The following CERS3 variants were observed in gnomAD, a reference collection of about 807,000 sequenced individuals.
CERS3 encodes the protein ceramide synthase 3.
A neutral mutation model predicts 50.3 loss-of-function variants in CERS3; 33 were observed. That is an observed-to-expected ratio of 0.66 (90% CI 0.50 to 0.88). CERS3 has a LOEUF of 0.88. Ranked by LOEUF, CERS3 falls within the 40% of genes least tolerant of loss-of-function variation. CERS3 has a pLI of 0.00. For missense variants in CERS3, 470 were observed against 460.3 expected (o/e 1.02, Z -0.19); for synonymous variants, 176 against 155.2 (o/e 1.13, Z -0.99).
intron 10 of CERS3, among the ~76,000 whole-genome samples, chr15:100,467,492 A>G (rs565382846): frequency 6.6e-6 from 1 of 152,162 alleles, no homozygotes; most frequent in East Asian, 1.9e-4. Flanking sequence ...AAAAAAGATC[A>G]TAGGTGGCCC....
chr15:100,406,714 T>G (rs2031055883), intron 11 of CERS3, among the ~76,000 whole-genome samples: 1 of 152,194 alleles, frequency 6.6e-6, no homozygotes, highest in Non-Finnish European at 1.5e-5. Context: ...AGGGCCATGC[T>G]TGGTTGATGC....
intron 1 of CERS3, among the ~76,000 whole-genome samples, chr15:100,537,396 A>G (rs2037099930): frequency 6.6e-6 from 1 of 152,242 alleles, no homozygotes; most frequent in Non-Finnish European, 1.5e-5. Flanking sequence ...GCAGTGTATT[A>G]GTCCATTTTC....
rs553585079 is a variant in CERS3 at position 100,515,462 on chromosome 15, G to A, written c.-2+6205C>T. Among the ~76,000 whole-genome samples the A allele has an allele frequency of 6.6e-4, 101 of 152,252 alleles. 1 individual carries two copies. In the Middle Eastern group the frequency reaches 0.02, roughly 31 times the overall value. The stretch of plus-strand genomic sequence containing the variant: ...TCCCAAGGCCCCTTCACCTTAATCC[G>A]CTTGGGCTTATCTTGGCCTGATCAT... On this transcript the variant is annotated intron_variant, in intron 2 of 11. Transcript: ENST00000679737.
At chr15:100,482,517 C>T (rs2035340349) in intron 5 of CERS3, among the ~76,000 whole-genome samples, 1 of 152,094 alleles carries the variant, frequency 6.6e-6, no homozygotes, top group Non-Finnish European at 1.5e-5. Flanking sequence ...ACCTGGATAC[C>T]TAAGGACTTG....
chr15:100,403,052 C>T (rs1289230257), intron 11 of CERS3, among the ~76,000 whole-genome samples, 187 bp from the exon 12 acceptor site: 1 of 152,152 alleles, frequency 6.6e-6, no homozygotes, highest in Admixed American at 6.5e-5. Context: ...AAATAATTGA[C>T]ATTACACGAA....
At chr15:100,496,973 A>G (rs566250993) in intron 3 of CERS3, among the ~76,000 whole-genome samples, 13 of 152,308 alleles carry the variant, frequency 8.5e-5, no homozygotes, top group African/African-American at 2.9e-4. Context: ...GACATATAAA[A>G]ATAAGTGAGT....
chr15:100,440,300 A>G (rs999999040), intron 11 of CERS3, among the ~76,000 whole-genome samples: 1 of 152,174 alleles, frequency 6.6e-6, no homozygotes, highest in Non-Finnish European at 1.5e-5. Flanking sequence ...ATCCCCTGTG[A>G]CCTGCACATA....
intron 11 of CERS3, among the ~76,000 whole-genome samples, chr15:100,405,641 A>C (rs906132376): frequency 6.6e-6 from 1 of 152,232 alleles, no homozygotes; most frequent in African/African-American, 2.4e-5. Flanking sequence ...CATTCTCAAA[A>C]AGATAAAACT....
intron 10 of CERS3, among the ~76,000 whole-genome samples, chr15:100,458,542 C>T (rs11855810): frequency 0.012 from 1,767 of 149,596 alleles, 34 homozygotes; most frequent in African/African-American, 0.039. Flanking sequence ...GCCGACATCA[C>T]GCCATTGCAC....
At chr15:100,507,832 A>C (rs569719250) in intron 2 of CERS3, among the ~76,000 whole-genome samples, 1 of 152,380 alleles carries the variant, frequency 6.6e-6, no homozygotes, top group South Asian at 2.1e-4. Flanking sequence ...CTGCCGAGGC[A>C]GCGGCGGCCG....
intron 11 of CERS3, among the ~76,000 whole-genome samples, chr15:100,427,678 G>C (rs1307437440): frequency 6.6e-6 from 1 of 152,168 alleles, no homozygotes; most frequent in Non-Finnish European, 1.5e-5. Flanking sequence ...TGAAGATTGG[G>C]AAGTACTGTC....
At chr15:100,448,404 G>T (rs992928494) in intron 11 of CERS3, among the ~76,000 whole-genome samples, 3 of 152,222 alleles carry the variant, frequency 2.0e-5, no homozygotes, top group Admixed American at 1.3e-4. Flanking sequence ...TGTGGGAAAA[G>T]GGTAAGTAAG....
At chr15:100,484,862 T>A (rs1407602812) in intron 4 of CERS3, among the ~76,000 whole-genome samples, 194 bp from the exon 5 acceptor site, 1 of 152,130 alleles carries the variant, frequency 6.6e-6, no homozygotes, top group Admixed American at 6.5e-5. Context: ...AAAAACAAAA[T>A]GTTACTATCC....
At chr15:100,508,181 G>T (rs113009600) in intron 2 of CERS3, among the ~76,000 whole-genome samples, 1 of 378 alleles carries the variant, frequency 2.6e-3, no homozygotes, top group Non-Finnish European at 0.014. Flanking sequence ...GTTTCTCCCC[G>T]TTTAGCCTCT....
chr15:100,417,659 C>T (rs1431859890), intron 11 of CERS3, among the ~76,000 whole-genome samples: 1 of 152,182 alleles, frequency 6.6e-6, no homozygotes, highest in East Asian at 1.9e-4. Context: ...CAGCAGTAAC[C>T]TCTGCAGACT....
intron 6 of CERS3, 52 bp downstream of exon 6, chr15:100,479,937 A>G: frequency 1.4e-6 from 2 of 1,386,302 alleles, no homozygotes; most frequent in Non-Finnish European, 2.0e-6. Context: ...ACAGACAAGA[A>G]TTTCAAAAAT....
intron 2 of CERS3, among the ~76,000 whole-genome samples, chr15:100,520,798 A>G (rs1382511621): frequency 6.6e-6 from 1 of 152,114 alleles, no homozygotes; most frequent in African/African-American, 2.4e-5. Context: ...GAGGAGGGGA[A>G]GCTCTGTGTC....
chr15:100,424,474 G>A (rs1332190522), intron 11 of CERS3, among the ~76,000 whole-genome samples: 1 of 152,142 alleles, frequency 6.6e-6, no homozygotes, highest in Non-Finnish European at 1.5e-5. Context: ...GATAGGGACA[G>A]TGAAGTCCAA....
At chr15:100,498,480 G>C (rs1175349981) in intron 3 of CERS3, among the ~76,000 whole-genome samples, 3 of 151,858 alleles carry the variant, frequency 2.0e-5, no homozygotes, top group Non-Finnish European at 4.4e-5. Flanking sequence ...TCATTTTATT[G>C]ATATGGAATA....
Sources: allele counts gnomAD v4.1 joint callset (sites outside exome capture counted in the v4.1 genomes callset), GRCh38; gene constraint gnomAD v4.1.1; transcripts MANE v1.5; gene names NCBI Gene and HGNC (gene_info 2026-07-23, HGNC 2026-07-21).